Variants in FOXN3 observed in about 807,000 individuals in gnomAD.
The protein encoded by FOXN3 is forkhead box protein N3.
A neutral mutation model predicts 38.4 loss-of-function variants in FOXN3; 7 were observed. The observed-to-expected ratio is 0.18, with a 90% CI of 0.10 to 0.34. FOXN3 has a LOEUF of 0.34. Among genes scored for constraint, FOXN3 ranks in the 10% least tolerant of loss-of-function variants. The pLI, the probability that FOXN3 is intolerant of heterozygous loss-of-function variation, is 1.00. For missense variants in FOXN3, 456 were observed against 613.4 expected (o/e 0.74, Z 2.71); for synonymous variants, 230 against 242.2 (o/e 0.95, Z 0.47).
At chr14:89,561,471 C>CAAAGTGCTGGG (rs1373566498) in intron 1 of FOXN3, among the ~76,000 whole-genome samples, 2 of 152,222 alleles carry the variant, frequency 1.3e-5, no homozygotes, top group African/African-American at 4.8e-5. Flanking sequence ...CTTGGCCTCC[C>CAAAGTGCTGGG]AAAGTGCTGG....
rs192329772 is a variant in FOXN3 at position 89,438,181 on chromosome 14, G to C, written c.-14-25691C>G. Among the ~76,000 whole-genome samples the C allele has an allele frequency of 1.4e-3, 216 of 152,344 alleles. 1 individual carries two copies. Among genetic ancestry groups the C allele is most frequent in the Non-Finnish European group, 2.2e-3 (152 of 68,036 alleles). On this transcript the variant is annotated intron_variant, in intron 1 of 6. Coordinates refer to the FOXN3 transcript ENST00000345097. ...GTTTATTGAGAACTGACTTACAAGA[G>C]GGCTGACCATGAAACACTGAAGCTG...
At chr14:89,351,389 T>C (rs1281106737) in intron 2 of FOXN3, 1 of 152,204 alleles carries the variant, frequency 6.6e-6, no homozygotes, top group East Asian at 1.9e-4. Context: ...CAGGCAGCAA[T>C]GGTAAAGCCC....
At chr14:89,317,926 A>G (rs1887772254) in intron 3 of FOXN3, among the ~76,000 whole-genome samples, 1 of 149,064 alleles carries the variant, frequency 6.7e-6, no homozygotes, top group South Asian at 2.2e-4. Flanking sequence ...CGCGCTCCTT[A>G]TGGGAATCTA....
rs369372657 is a variant in FOXN3, at chr14:89,162,709, G to A, written c.1112C>T (p.Thr371Met). The change falls in exon 6 of 6, where the codon ACG (threonine) becomes ATG (methionine). Residue 371 changes from threonine (T) to methionine (M), a missense_variant. Thr to Met is a moderately conservative substitution (Grantham distance 81). Transcript: ENST00000557258. This position sits in a 1 kb window ranked among gnomAD's most constrained non-coding sequence, Gnocchi z 7.2. ...SFRSHESPSD[T>M]EEDDRKHSQK... is the part of the protein sequence containing the mutation. ...GCTGTGCTTCCTGTCGTCCTCTTCC[G>A]TGTCGCTGGGGCTCTCGTGGCTCCG... The A allele has an allele frequency of 1.4e-4, 230 of 1,614,008 alleles. No homozygotes were observed. The highest frequency in any genetic ancestry group is 5.1e-4 in the African/African-American group (38 of 75,000).
At chr14:89,248,264 G>A (rs950713095) in intron 4 of FOXN3, among the ~76,000 whole-genome samples, 4 of 152,194 alleles carry the variant, frequency 2.6e-5, no homozygotes, top group Non-Finnish European at 4.4e-5. Flanking sequence ...CTAATCCAGC[G>A]ACTGATATAA....
At chr14:89,555,865 G>A (rs556414590) in intron 1 of FOXN3, among the ~76,000 whole-genome samples, 1 of 134,114 alleles carries the variant, frequency 7.5e-6, no homozygotes, top group African/African-American at 2.5e-5. Context: ...GTGTGTGTGT[G>A]TGTGTGTGTG....
intron 1 of FOXN3, among the ~76,000 whole-genome samples, chr14:89,452,189 GGT>G (rs1892626934): frequency 6.6e-6 from 1 of 152,114 alleles, no homozygotes; most frequent in Admixed American, 6.5e-5. Context: ...GTGTAGTCAG[GGT>G]GTATCCTACG....
At chr14:89,326,760 A>G (rs536500683) in intron 3 of FOXN3, among the ~76,000 whole-genome samples, 1 of 152,350 alleles carries the variant, frequency 6.6e-6, no homozygotes, top group Non-Finnish European at 1.5e-5. Context: ...TCTTCAGACA[A>G]CCAGCAACCA....
At chr14:89,386,428 G>C (rs118158637) in intron 2 of FOXN3, among the ~76,000 whole-genome samples, 1 of 152,212 alleles carries the variant, frequency 6.6e-6, no homozygotes, top group African/African-American at 2.4e-5. Flanking sequence ...TGCAGGAGGT[G>C]CCATTTCACA....
chr14:89,210,206 T>C (rs968469906), intron 4 of FOXN3, among the ~76,000 whole-genome samples: 8 of 152,210 alleles, frequency 5.3e-5, no homozygotes, highest in African/African-American at 1.9e-4. Context: ...GGATCTTCCA[T>C]GAATGGTTCA....
chr14:89,280,350 C>T (rs1017186086), intron 4 of FOXN3, among the ~76,000 whole-genome samples: 26 of 152,224 alleles, frequency 1.7e-4, no homozygotes, highest in Middle Eastern at 3.4e-3. Flanking sequence ...ATGAGCACAC[C>T]GCCTAGGGAC....
intron 2 of FOXN3, among the ~76,000 whole-genome samples, chr14:89,363,371 G>T (rs1322964262): frequency 6.6e-6 from 1 of 152,204 alleles, no homozygotes; most frequent in East Asian, 1.9e-4. Context: ...ACTAACCCAT[G>T]ACTATGTGCC....
At chr14:89,270,570 C>T (rs1362608938) in intron 4 of FOXN3, among the ~76,000 whole-genome samples, 3 of 152,174 alleles carry the variant, frequency 2.0e-5, no homozygotes, top group Non-Finnish European at 4.4e-5. Context: ...CGAGGTCACT[C>T]AGCTGGTGGG....
chr14:89,312,878 C>G (rs994563629), intron 3 of FOXN3, among the ~76,000 whole-genome samples: 1 of 152,236 alleles, frequency 6.6e-6, no homozygotes, highest in Non-Finnish European at 1.5e-5. Flanking sequence ...AGGCTGCCCC[C>G]ACTACCGACT....
At chr14:89,255,206 A>T (rs1885579261) in intron 4 of FOXN3, among the ~76,000 whole-genome samples, 1 of 152,194 alleles carries the variant, frequency 6.6e-6, no homozygotes, top group African/African-American at 2.4e-5. Flanking sequence ...TTCACACATT[A>T]ACACTTCTTT....
At chr14:89,277,374 C>T (rs1382324439) in intron 4 of FOXN3, among the ~76,000 whole-genome samples, 1 of 152,146 alleles carries the variant, frequency 6.6e-6, no homozygotes, top group Non-Finnish European at 1.5e-5. Context: ...TTGTCCCCTT[C>T]TAATGCTCTG....
chr14:89,408,657 G>A (rs1381693178), intron 2 of FOXN3, among the ~76,000 whole-genome samples: 3 of 150,908 alleles, frequency 2.0e-5, no homozygotes, highest in Non-Finnish European at 2.9e-5. Context: ...CAAGCCCTCA[G>A]GGACAGGGAT....
intron 1 of FOXN3, among the ~76,000 whole-genome samples, chr14:89,491,966 G>T (rs1247329477): frequency 6.6e-6 from 1 of 152,120 alleles, no homozygotes; most frequent in Non-Finnish European, 1.5e-5. Context: ...GCATAGACGG[G>T]TGTTTTGTTT....
At chr14:89,201,915 A>G (rs1190381471) in intron 4 of FOXN3, among the ~76,000 whole-genome samples, 1 of 152,226 alleles carries the variant, frequency 6.6e-6, no homozygotes, top group Non-Finnish European at 1.5e-5. Context: ...CCCAGCAGGC[A>G]TGGCAGTGCT....
Sources: gnomAD v4.1 joint callset for allele counts (sites outside exome capture counted in the v4.1 genomes callset) on GRCh38, gnomAD v4.1.1 for gene constraint, Gnocchi (gnomAD v3.1) non-coding constraint, MANE v1.5 for transcripts, NCBI Gene and HGNC (gene_info 2026-07-23, HGNC 2026-07-21) for gene names.